The following CEP128 variants were observed in gnomAD, a reference collection of about 807,000 sequenced individuals.
The protein encoded by CEP128 is centrosomal protein 128.
CEP128 carries 132 observed loss-of-function variants against 156.7 expected under a neutral mutation model. The observed-to-expected ratio is 0.84, with a 90% CI of 0.73 to 0.97. CEP128 has a LOEUF of 0.97. CEP128 is among the 50% of genes least tolerant of loss of function. The probability of loss-of-function intolerance (pLI) is 0.00; values close to 1 mark genes in which losing one functional copy is unlikely to be tolerated. For missense variants in CEP128, 1,252 were observed against 1,281.9 expected (o/e 0.98, Z 0.36); for synonymous variants, 469 against 448.9 (o/e 1.04, Z -0.57).
chr14:80,916,370 T>C, intron 3 of CEP128, 31 bp downstream of exon 3: 2 of 1,564,688 alleles, frequency 1.3e-6, no homozygotes, highest in South Asian at 2.2e-5. Flanking sequence ...ACTATTTAAA[T>C]TCTATTAAAT....
intron 24 of CEP128, among the ~76,000 whole-genome samples, chr14:80,498,415 C>T (rs926177812): frequency 2.6e-5 from 4 of 152,222 alleles, no homozygotes; most frequent in African/African-American, 9.6e-5. Flanking sequence ...CTCCCTCATC[C>T]TGCCCTTAAT....
chr14:80,903,363 C>T (rs1384640015), intron 6 of CEP128, among the ~76,000 whole-genome samples: 1 of 151,964 alleles, frequency 6.6e-6, no homozygotes, highest in East Asian at 1.9e-4. Flanking sequence ...AATGGAGAAA[C>T]ACTTAAATAT....
rs1306611325 is a variant in CEP128 at position 80,785,563 on chromosome 14, T to C, written c.1561-18A>G. ...TTTAAAATCTATCAGGTTAAGAACA[T>C]GAAGCAAAAGAAAAAAATAAAAGTT... On this transcript the variant is annotated intron_variant, in intron 14 of 24. Transcript: ENST00000555265. 1.7e-5 allele frequency: 27 copies of C among 1,545,946 alleles called. No homozygotes were observed. Among genetic ancestry groups the C allele is most frequent in the Admixed American group, 2.1e-5 (1 of 47,236 alleles).
intron 8 of CEP128, among the ~76,000 whole-genome samples, chr14:80,889,161 T>C (rs1434368171): frequency 1.3e-5 from 2 of 152,242 alleles, no homozygotes; most frequent in Non-Finnish European, 2.9e-5. Flanking sequence ...CATTCCATCC[T>C]CATGGACATG....
intron 18 of CEP128, among the ~76,000 whole-genome samples, chr14:80,750,275 G>A (rs1041437956): frequency 3.3e-5 from 5 of 152,162 alleles, no homozygotes; most frequent in South Asian, 2.1e-4. Flanking sequence ...CCCCCATGTT[G>A]GAAATGAATA....
rs765506019 is a variant in CEP128, at chr14:80,916,551, T to C, written c.-4A>G. On this transcript the variant is annotated 5_prime_UTR_variant, in exon 3 of 25. Transcript: ENST00000555265. ...ATTCGCTGGATGATTCTGCCATTGA[T>C]GTACACAAATCCTTTTAAATAAATA... is the stretch of plus-strand genomic sequence containing the variant. The C allele has an allele frequency of 1.9e-6, 3 of 1,612,278 alleles. No homozygotes were observed. Among genetic ancestry groups the C allele is most frequent in the East Asian group, 2.2e-5 (1 of 44,870 alleles).
intron 19 of CEP128, among the ~76,000 whole-genome samples, chr14:80,650,551 G>A (rs1380233916): frequency 6.6e-6 from 1 of 152,072 alleles, no homozygotes; most frequent in Non-Finnish European, 1.5e-5. Context: ...ATTGGCTGCG[G>A]GTGTGTCATA....
intron 9 of CEP128, among the ~76,000 whole-genome samples, chr14:80,846,387 C>T (rs1170229029): frequency 6.6e-6 from 1 of 152,014 alleles, no homozygotes; most frequent in Non-Finnish European, 1.5e-5. Flanking sequence ...TAAGTAATGA[C>T]TCTTCAAGAA....
At position 80,764,953 on chromosome 14, in the gene CEP128, G is replaced by A. The variant is rs532422208; in HGVS notation, c.2377-3340C>T. ...CCAAGATCCTAAATCCAAGAGTTAAGTAAGCTCTTCCACACCATACTTCAG... is the reference window on the plus strand; with the variant it reads ...CCAAGATCCTAAATCCAAGAGTTAAATAAGCTCTTCCACACCATACTTCAG... On this transcript the variant is annotated intron_variant, in intron 16 of 24. Coordinates refer to ENST00000555265, the MANE Select transcript of CEP128 (RefSeq NM_152446.5). Among the ~76,000 whole-genome samples, 6 of 152,314 alleles carry A rather than the reference G, an allele frequency of 3.9e-5. No homozygotes were observed. The East Asian group carries it at 7.7e-4, about 20-fold the overall frequency.
At chr14:80,735,220 T>C (rs544851439) in intron 19 of CEP128, among the ~76,000 whole-genome samples, 67 of 152,294 alleles carry the variant, frequency 4.4e-4, no homozygotes, top group African/African-American at 1.6e-3. Context: ...TTTGAAAATA[T>C]GACTACGTAA....
intron 18 of CEP128, among the ~76,000 whole-genome samples, chr14:80,749,016 A>C (rs1453763969): frequency 6.6e-6 from 1 of 152,078 alleles, no homozygotes; most frequent in East Asian, 1.9e-4. Flanking sequence ...TAGTCACCAT[A>C]AGCCCTGGGA....
Position 80,792,797 on chromosome 14 carries a change from G to A in CEP128, c.1523C>T (p.Ser508Phe). 1 of 1,614,144 alleles carries A rather than the reference G, an allele frequency of 6.2e-7. No homozygotes were observed. Among genetic ancestry groups the A allele is most frequent in the Non-Finnish European group, 8.5e-7 (1 of 1,180,002 alleles). ...GCCTGTCAGTTCATCAACAGTTTCA[G>A]ATTGTTTCTCCAACGCTCGTTCTAA... ...KKLERALEKQSETVDELTGKN... is the reference protein window; with the variant it reads ...KKLERALEKQFETVDELTGKN... The change falls in exon 14 of 25, where the codon TCT becomes TTT. Residue 508 changes from serine (S) to phenylalanine (F), a missense_variant. Physicochemically the swap from Ser to Phe is radical, Grantham distance 155. Transcript: ENST00000555265.
intron 9 of CEP128, among the ~76,000 whole-genome samples, chr14:80,856,025 G>T (rs10133039): frequency 1.3e-5 from 2 of 151,948 alleles, no homozygotes; most frequent in African/African-American, 4.8e-5. Flanking sequence ...TTCTTCATTA[G>T]GTTTTTCCAA....
intron 13 of CEP128, among the ~76,000 whole-genome samples, chr14:80,824,358 G>C (rs1885357006): frequency 6.6e-6 from 1 of 152,176 alleles, no homozygotes; most frequent in Admixed American, 6.5e-5. Flanking sequence ...GCAAATTTCT[G>C]CAGCCAGCTT....
At chr14:80,910,043 T>G (rs535335360) in intron 4 of CEP128, among the ~76,000 whole-genome samples, 43 of 152,338 alleles carry the variant, frequency 2.8e-4, no homozygotes, top group African/African-American at 8.4e-4. Flanking sequence ...CTACTAGGAC[T>G]ACCTCACCAG....
At chr14:80,896,257 C>T (rs1455790546) in intron 7 of CEP128, among the ~76,000 whole-genome samples, 12 of 152,258 alleles carry the variant, frequency 7.9e-5, no homozygotes, top group Admixed American at 3.9e-4. Flanking sequence ...CCTCACTAAC[C>T]GACCTCCCAT....
intron 19 of CEP128, among the ~76,000 whole-genome samples, chr14:80,667,994 G>C (rs181746225): frequency 8.6e-4 from 131 of 152,156 alleles, no homozygotes; most frequent in African/African-American, 3.0e-3. Flanking sequence ...GAAAACAACA[G>C]TGATGCTGAT....
intron 9 of CEP128, among the ~76,000 whole-genome samples, chr14:80,853,458 C>A (rs184139318): frequency 6.6e-6 from 1 of 151,480 alleles, no homozygotes; most frequent in East Asian, 1.9e-4. Flanking sequence ...GATATAAGAA[C>A]CATATATGAA....
intron 13 of CEP128, among the ~76,000 whole-genome samples, chr14:80,827,327 G>C (rs1299255352): frequency 6.6e-6 from 1 of 152,002 alleles, no homozygotes; most frequent in African/African-American, 2.4e-5. Context: ...GAACACATAG[G>C]GACACAGAGA....
Sources: allele counts gnomAD v4.1 joint callset (sites outside exome capture counted in the v4.1 genomes callset), GRCh38; gene constraint gnomAD v4.1.1; transcripts MANE v1.5; gene names NCBI Gene and HGNC (gene_info 2026-07-23, HGNC 2026-07-21).